GALNT5: variants seen among roughly 807,000 people sequenced by gnomAD.
GALNT5 encodes UDP-GalNAc:polypeptide N-acetylgalactosaminyltransferase 5.
Under a neutral mutation model 85.4 loss-of-function variants are expected in GALNT5, and 72 were observed. The ratio of observed to expected loss-of-function variants is 0.84; its 90% CI spans 0.70 to 1.03. GALNT5 has a LOEUF of 1.03. GALNT5 is among the 50% of genes least tolerant of loss of function. The pLI, the probability that GALNT5 is intolerant of heterozygous loss-of-function variation, is 0.00. For missense variants in GALNT5, 1,137 were observed against 1,135.5 expected, an observed-to-expected ratio of 1.00 and a Z score of -0.02; for synonymous variants, 404 against 397.0, an observed-to-expected ratio of 1.02 and a Z score of -0.21.
chr2:157,300,404 A>G (rs76819018), intron 6 of GALNT5, among the ~76,000 whole-genome samples: 3,511 of 152,232 alleles, frequency 0.023, 161 homozygotes, highest in East Asian at 0.17. Context: ...GTTTTACAAA[A>G]TGGGATTCTG....
In GALNT5 at chr2:157,316,735, G is replaced by A. The variant is rs753519681; in HGVS notation, c.*5387G>A. 5.1e-4 allele frequency among the ~76,000 whole-genome samples: 78 copies of A among 152,190 alleles called. No individual in the cohort carries two copies. The highest frequency in any genetic ancestry group is 8.1e-4 in the Non-Finnish European group (55 of 67,988). On this transcript the variant is annotated 3_prime_UTR_variant, in exon 10 of 10. Coordinates refer to ENST00000259056, the MANE Select transcript of GALNT5 (RefSeq NM_014568.3). Reference sequence around the variant, plus strand: ...TTAATGGATAGTATTCCAGGTGTTGGTGGTGTCTGTATCTCAAAGAAAGAA... The same window carrying A: ...TTAATGGATAGTATTCCAGGTGTTGATGGTGTCTGTATCTCAAAGAAAGAA...
At chr2:157,286,814 TAA>T (rs1201136404) in intron 3 of GALNT5, among the ~76,000 whole-genome samples, 3 of 152,100 alleles carry the variant, frequency 2.0e-5, no homozygotes, top group Non-Finnish European at 4.4e-5. Flanking sequence ...GGGAACTAAT[TAA>T]GTTTCATACT....
intron 3 of GALNT5, among the ~76,000 whole-genome samples, chr2:157,288,877 T>C (rs7560489): frequency 0.11 from 16,585 of 152,004 alleles, 2,529 homozygotes; most frequent in African/African-American, 0.35. Flanking sequence ...TCATCATAGA[T>C]TGTGCACATG....
chr2:157,269,572 T>A (rs183352103), intron 1 of GALNT5, among the ~76,000 whole-genome samples: 42 of 152,318 alleles, frequency 2.8e-4, no homozygotes, highest in African/African-American at 9.9e-4. Flanking sequence ...GAATCTCTCA[T>A]GATCTGCCCA....
chr2:157,277,244 A>G (rs1479401755), intron 1 of GALNT5, among the ~76,000 whole-genome samples: 1 of 152,198 alleles, frequency 6.6e-6, no homozygotes, highest in African/African-American at 2.4e-5. Context: ...ACTTCCAATT[A>G]TGTGATCAAT....
rs922725150 is a variant in GALNT5, at chr2:157,264,897, C to T, written c.1454+5361C>T. On this transcript the variant is annotated intron_variant, in intron 1 of 9. Transcript: ENST00000259056. Reference sequence around the variant, plus strand: ...TTAAATTTTTAATTTTTACATGGGACACAAATCTTAATTGATGAAATGAAC... The same window carrying T: ...TTAAATTTTTAATTTTTACATGGGATACAAATCTTAATTGATGAAATGAAC... 2.0e-5 allele frequency among the ~76,000 whole-genome samples: 3 copies of T among 151,874 alleles called. No homozygotes were observed. In the East Asian group the frequency reaches 5.8e-4, roughly 29 times the overall value.
In GALNT5 at chr2:157,259,441, G is replaced by A; in HGVS notation, c.1359G>A (p.Lys453=). The A allele has an allele frequency of 1.4e-6, 2 of 1,468,492 alleles. No homozygotes were observed. Among genetic ancestry groups the A allele is most frequent in the Middle Eastern group, 1.8e-4 (1 of 5,462 alleles). The allele number at this position is 1,468,492 out of a possible 1,614,324, so 91.0% of individuals were successfully genotyped here. ...TAGTTGTCCCCCATGGAAAGGAGAA[G>A]GAGGCAGAAAGAAGATGGAAAGAAG... is the stretch of plus-strand genomic sequence containing the variant. ...RPVVVPHGKE[K]EAERRWKEGN... The change falls in exon 1 of 10, where the codon AAG becomes AAA. Residue 453 remains lysine (K), a synonymous_variant. Transcript: ENST00000259056.
rs770356046 is a variant in GALNT5 at position 157,284,438 on chromosome 2, C to T, written c.1611C>T (p.Phe537=). The change falls in exon 2 of 10, where the codon TTC becomes TTT. Residue 537 remains phenylalanine, a synonymous_variant. Transcript: ENST00000259056. The stretch of plus-strand genomic sequence containing the variant: ...AGGAGATTCTGCTGGTAGATGACTT[C>T]AGCACCAAAGGTAAGAAAACCACTC... ...LIKEILLVDD[F]STKDYLKDNL... is the part of the protein sequence containing the mutation. 1.2e-6 allele frequency: 2 copies of T among 1,613,670 alleles called. No individual in the cohort carries two copies. Among genetic ancestry groups the T allele is most frequent in the South Asian group, 1.1e-5 (1 of 91,014 alleles).
chr2:157,281,071 CT>C lies in GALNT5; in HGVS notation c.1455-3207del, dbSNP rs566314079. On this transcript the variant is annotated intron_variant, in intron 1 of 9. Coordinates refer to ENST00000259056, the MANE Select transcript of GALNT5 (RefSeq NM_014568.3). ...CAGGTATTTCTTTCTTTCTTTCTTT[CT>C]TTTAGATGAAGTCTCACTCTGTCAC... 1.4e-4 allele frequency among the ~76,000 whole-genome samples: 22 copies of C among 152,196 alleles called. No homozygotes were observed. The East Asian group carries it at 3.9e-3, about 27-fold the overall frequency.
At chr2:157,262,205 TGTAAAAA>T (rs1393478982) in intron 1 of GALNT5, among the ~76,000 whole-genome samples, 3 of 122,924 alleles carry the variant, frequency 2.4e-5, no homozygotes, top group Non-Finnish European at 3.4e-5. Context: ...AACCAAAAAA[TGTAAAAA>T]AAAAAAAAAA....
rs1486062850 is a variant in GALNT5 at position 157,258,141 on chromosome 2, T to C, written c.59T>C (p.Val20Ala). The C allele has an allele frequency of 6.2e-7, 1 of 1,613,992 alleles. No individual in the cohort carries two copies. The highest frequency in any genetic ancestry group is 8.5e-7 in the Non-Finnish European group (1 of 1,180,000). Residue 20 changes from valine to alanine, a missense_variant, in exon 1 of 10, where the codon GTA becomes GCA. Coordinates refer to ENST00000259056, the MANE Select transcript of GALNT5 (RefSeq NM_014568.3). The part of the protein sequence containing the change: ...GSGRVLAFIF[V>A]ASVIWLLFDM... ...GGGCGAGTCTTGGCATTTATCTTTGTAGCTTCTGTCATCTGGCTCCTCTTT... is the reference window on the plus strand; with the variant it reads ...GGGCGAGTCTTGGCATTTATCTTTGCAGCTTCTGTCATCTGGCTCCTCTTT...
rs1683748434 is a variant in GALNT5 at position 157,317,746 on chromosome 2, C to T, written c.*6398C>T. Among the ~76,000 whole-genome samples the T allele has an allele frequency of 6.6e-6, 1 of 152,092 alleles. No individual in the cohort carries two copies. Among genetic ancestry groups the T allele is most frequent in the Admixed American group, 6.6e-5 (1 of 15,262 alleles). ...AATTCATTTCCAAAATTCTCCTGTG[C>T]TGGCAGTTAGCTACTAGAGATCATC... On this transcript the variant is annotated 3_prime_UTR_variant, in exon 10 of 10. Transcript: ENST00000259056.
intron 3 of GALNT5, among the ~76,000 whole-genome samples, chr2:157,291,056 T>C (rs1683086634): frequency 6.6e-6 from 1 of 152,086 alleles, no homozygotes; most frequent in Non-Finnish European, 1.5e-5. Flanking sequence ...GGGCAATGGA[T>C]CTCTAAGAAT....
At chr2:157,285,155 G>A (rs890689347) in intron 2 of GALNT5, among the ~76,000 whole-genome samples, 1 of 152,184 alleles carries the variant, frequency 6.6e-6, no homozygotes, top group Non-Finnish European at 1.5e-5. Context: ...GCTTACCCTT[G>A]AGCTGTGACC....
chr2:157,296,436 G>C lies in GALNT5; in HGVS notation c.1920G>C (p.Trp640Cys). Residue 640 changes from tryptophan (W) to cysteine (C), a missense_variant, in exon 5 of 10, where the codon TGG becomes TGC. Coordinates refer to ENST00000259056, the MANE Select transcript of GALNT5 (RefSeq NM_014568.3). ...ACTTTCAAAGAGGCATCTTTGTGTGGCCCATGAACTTTGGTTGGAGAACAA... is the reference window on the plus strand; with the variant it reads ...ACTTTCAAAGAGGCATCTTTGTGTGCCCCATGAACTTTGGTTGGAGAACAA... ...VDNFQRGIFV[W>C]PMNFGWRTIP... is the part of the protein sequence containing the mutation. The C allele has an allele frequency of 6.2e-7, 1 of 1,608,730 alleles. No individual in the cohort carries two copies. The highest frequency in any genetic ancestry group is 8.5e-7 in the Non-Finnish European group (1 of 1,175,256).
At chr2:157,276,799 G>GT (rs1367791641) in intron 1 of GALNT5, among the ~76,000 whole-genome samples, 11 of 150,404 alleles carry the variant, frequency 7.3e-5, no homozygotes, top group African/African-American at 2.8e-4. Context: ...TTTTTGAAGG[G>GT]TTTTTTGTGT....
At chr2:157,302,934 A>G (rs1292345994) in intron 7 of GALNT5, among the ~76,000 whole-genome samples, 1 of 152,250 alleles carries the variant, frequency 6.6e-6, no homozygotes, top group Non-Finnish European at 1.5e-5. Context: ...CGTTATTAAC[A>G]TTTTTAAAAA....
chr2:157,284,528 A>G (rs1682929221), intron 2 of GALNT5, 80 bp downstream of exon 2: 1 of 985,752 alleles, frequency 1.0e-6, no homozygotes, highest in Admixed American at 2.0e-5. Context: ...GGATGGCAAA[A>G]TTATAGGATA....
chr2:157,272,484 T>C (rs145823936), intron 1 of GALNT5, among the ~76,000 whole-genome samples: 1 of 152,326 alleles, frequency 6.6e-6, no homozygotes, highest in African/African-American at 2.4e-5. Flanking sequence ...ACCCAGGTAC[T>C]GAGCATAGTA....
Sources: gnomAD v4.1 joint callset for allele counts (sites outside exome capture counted in the v4.1 genomes callset) on GRCh38, gnomAD v4.1.1 for gene constraint, MANE v1.5 for transcripts, NCBI Gene and HGNC (gene_info 2026-07-23, HGNC 2026-07-21) for gene names.